Variants in RFPL1 observed in about 807,000 individuals in gnomAD.
RFPL1 encodes ret finger protein like 1.
RFPL1 carries 6 observed loss-of-function variants against 9.6 expected under a neutral mutation model. That is an observed-to-expected ratio of 0.62 (90% confidence interval 0.34 to 1.23). The LOEUF (loss-of-function observed/expected upper bound fraction) is 1.23. Among genes scored for constraint, RFPL1 ranks in the 50% most tolerant of loss-of-function variants. RFPL1 has a pLI of 0.03. For missense variants in RFPL1, 352 were observed against 398.4 expected, an observed-to-expected ratio of 0.88 and a Z score of 0.99; for synonymous variants, 145 against 149.4, an observed-to-expected ratio of 0.97 and a Z score of 0.22.
At chr22:29,392,376 G>GGCT in the RFPL1 span, among the ~76,000 whole-genome samples, 7 of 101,866 alleles carry the variant, frequency 6.9e-5, no homozygotes, top group Admixed American at 1.1e-4. Context: ...TACCACACCT[G>GGCT]GCTTTTTTTT....
At chr22:29,398,452 C>A in the RFPL1 span, among the ~76,000 whole-genome samples, 1 of 152,226 alleles carries the variant, frequency 6.6e-6, no homozygotes, top group African/African-American at 2.4e-5. Flanking sequence ...ACGGGGCAGG[C>A]ACAGTTGTTA....
At chr22:29,403,591 T>C in the RFPL1 span, among the ~76,000 whole-genome samples, 1 of 152,236 alleles carries the variant, frequency 6.6e-6, no homozygotes, top group South Asian at 2.1e-4. Flanking sequence ...TGACCTGAAA[T>C]AGGCTGACTT....
the RFPL1 span, among the ~76,000 whole-genome samples, chr22:29,405,827 C>T: frequency 3.3e-5 from 5 of 152,080 alleles, no homozygotes; most frequent in Admixed American, 1.3e-4. Context: ...TAACACATCT[C>T]GGCCGGGCGC....
At chr22:29,388,132 T>C in the RFPL1 span, among the ~76,000 whole-genome samples, 1 of 152,168 alleles carries the variant, frequency 6.6e-6, no homozygotes, top group Admixed American at 6.5e-5. Context: ...CCCGAAGAGT[T>C]TTCCCTCAGG....
the RFPL1 span, among the ~76,000 whole-genome samples, chr22:29,411,035 A>G: frequency 3.9e-5 from 6 of 152,252 alleles, no homozygotes; most frequent in African/African-American, 1.4e-4. Context: ...GAGTGGGCCA[A>G]TCCATCTGCT....
chr22:29,437,019 C>T (rs1264598228), upstream of RFPL1: 4 of 152,398 alleles, frequency 2.6e-5, no homozygotes, highest in East Asian at 7.7e-4. Flanking sequence ...ACTCACTTCA[C>T]GGGTAACAAT....
chr22:29,406,435 A>C, the RFPL1 span, among the ~76,000 whole-genome samples: 1 of 152,082 alleles, frequency 6.6e-6, no homozygotes, highest in Non-Finnish European at 1.5e-5. Context: ...CCCACATCTC[A>C]GAATAGGGAA....
At chr22:29,419,247 C>G in the RFPL1 span, 1 of 1,470,592 alleles carries the variant, frequency 6.8e-7, no homozygotes, top group African/African-American at 1.4e-5. Flanking sequence ...CTGCCTTCAG[C>G]TCGAAGATCT....
At chr22:29,410,367 T>C in the RFPL1 span, among the ~76,000 whole-genome samples, 1 of 73,800 alleles carries the variant, frequency 1.4e-5, no homozygotes, top group African/African-American at 5.6e-5. Flanking sequence ...TGTAGATATA[T>C]ATATCTATAT....
At chr22:29,419,119 C>T in the RFPL1 span, 5 of 1,518,924 alleles carry the variant, frequency 3.3e-6, no homozygotes, top group African/African-American at 6.8e-5. Flanking sequence ...CCCTGTCAGC[C>T]AGCTTCCAGC....
At chr22:29,405,728 C>T in the RFPL1 span, among the ~76,000 whole-genome samples, 2 of 152,208 alleles carry the variant, frequency 1.3e-5, no homozygotes, top group Admixed American at 6.5e-5. Context: ...TCACTCAAAA[C>T]GTCTAAGTTT....
the RFPL1 span, among the ~76,000 whole-genome samples, chr22:29,426,885 A>AG: frequency 2.0e-5 from 3 of 152,198 alleles, no homozygotes; most frequent in African/African-American, 7.2e-5. Context: ...GACAGCACCC[A>AG]GGGGGACATC....
chr22:29,402,074 C>G, the RFPL1 span, among the ~76,000 whole-genome samples: 1 of 152,206 alleles, frequency 6.6e-6, no homozygotes, highest in Admixed American at 6.5e-5. Context: ...TACAAGGTCA[C>G]TGCCCCTCCA....
Position 29,438,714 on chromosome 22 carries a change from G to A in RFPL1, c.-78G>A. ...AACTTCAAATCTCTGAAGACGGGGG[G>A]TGGGGGGATGTGCTTGAGTGTTTGT... On this transcript the variant is annotated 5_prime_UTR_variant, in exon 1 of 2. In the 5' UTR this introduces an upstream ATG that the reference lacks. Coordinates refer to ENST00000354373, the Ensembl canonical transcript of RFPL1. 3.2e-6 allele frequency: 5 copies of A among 1,558,760 alleles called. No individual in the cohort carries two copies. The highest frequency in any genetic ancestry group is 2.5e-5 in the South Asian group (2 of 80,766).
chr22:29,401,925 T>C, the RFPL1 span, among the ~76,000 whole-genome samples: 1,542 of 152,324 alleles, frequency 0.01, 24 homozygotes, highest in African/African-American at 0.035. Context: ...AGCCTTTGTT[T>C]GCTCATCTGC....
chr22:29,438,372 A>G (rs2062819265), upstream of RFPL1: 2 of 183,278 alleles, frequency 1.1e-5, no homozygotes, highest in South Asian at 2.6e-4. Flanking sequence ...TTCAGTAGAG[A>G]TGGGGTTTCA....
chr22:29,416,685 A>G, the RFPL1 span, among the ~76,000 whole-genome samples: 1 of 152,214 alleles, frequency 6.6e-6, no homozygotes, highest in African/African-American at 2.4e-5. Flanking sequence ...ACCCAGTAAG[A>G]ACCAGCACAG....
chr22:29,437,697 C>A (rs1177074505), upstream of RFPL1: 33 of 1,586,076 alleles, frequency 2.1e-5, no homozygotes, highest in Non-Finnish European at 2.4e-5. Context: ...CCAGTGGAAG[C>A]AGCTGGAGGA....
chr22:29,416,484 C>T, the RFPL1 span, among the ~76,000 whole-genome samples: 2 of 152,170 alleles, frequency 1.3e-5, no homozygotes, highest in African/African-American at 4.8e-5. Context: ...ACTCACTTCC[C>T]AGGGCCTTTA....
Sources: gnomAD v4.1 joint callset for allele counts (sites outside exome capture counted in the v4.1 genomes callset) on GRCh38, gnomAD v4.1.1 for gene constraint, MANE v1.5 for transcripts, NCBI Gene and HGNC (gene_info 2026-07-23, HGNC 2026-07-21) for gene names.